The following ILF2 variants were observed in gnomAD, a reference collection of about 807,000 sequenced individuals.
The protein encoded by ILF2 is interleukin enhancer-binding factor 2.
A neutral mutation model predicts 55.3 loss-of-function variants in ILF2; 9 were observed. The ratio of observed to expected loss-of-function variants is 0.16; its 90% CI spans 0.10 to 0.28. The LOEUF is 0.28. Ranked by LOEUF, ILF2 falls within the 10% of genes least tolerant of loss-of-function variation. The pLI, the probability that ILF2 is intolerant of heterozygous loss-of-function variation, is 1.00. For synonymous variants in ILF2, 151 were observed against 161.8 expected, an observed-to-expected ratio of 0.93 and a Z score of 0.50; for missense variants, 266 against 474.9, an observed-to-expected ratio of 0.56 and a Z score of 4.09.
intron 5 of ILF2, among the ~76,000 whole-genome samples, 156 bp from the exon 6 acceptor site, chr1:153,667,813 C>A (rs1669349262): frequency 2.6e-5 from 4 of 152,210 alleles, no homozygotes; most frequent in Admixed American, 6.5e-5. Flanking sequence ...CCTGATACAT[C>A]ACAGCTAGCA....
intron 1 of ILF2, 82 bp from the exon 2 acceptor site, chr1:153,670,312 C>G: frequency 7.2e-7 from 1 of 1,383,614 alleles, no homozygotes; most frequent in South Asian, 1.2e-5. Flanking sequence ...TTTCATCCCT[C>G]GGAACCTCCC....
At chr1:153,665,122 G>A (rs1023230157) in intron 8 of ILF2, 98 bp downstream of exon 8, 6 of 748,910 alleles carry the variant, frequency 8.0e-6, no homozygotes, top group Non-Finnish European at 1.2e-5. Context: ...CCAGGAAGCT[G>A]CATGTGGAAT....
At chr1:153,668,329 C>T in intron 4 of ILF2, 124 bp downstream of exon 4, 1 of 1,219,848 alleles carries the variant, frequency 8.2e-7, no homozygotes, top group African/African-American at 1.5e-5. Flanking sequence ...ATAAGGAGAA[C>T]AATTAAACCC....
chr1:153,662,717 C>T lies in ILF2; in HGVS notation c.1000G>A (p.Gly334Ser). The T allele has an allele frequency of 6.2e-7, 1 of 1,614,134 alleles. No homozygotes were observed. Among genetic ancestry groups the T allele is most frequent in the Non-Finnish European group, 8.5e-7 (1 of 1,179,996 alleles). Residue 334 changes from glycine (G) to serine (S), a missense_variant, in exon 13 of 14, where the codon GGT becomes AGT. Coordinates refer to ENST00000361891, the MANE Select transcript of ILF2 (RefSeq NM_004515.4). ...AGTGGTCACTCACAGCTGGCATCAC[C>T]CTCCTGGCCAAGGATCTTCCTAAAG... ...GGFRKILGQE[G>S]DASYLASEIS...
At chr1:153,663,625 C>A (rs1264012937) in intron 10 of ILF2, among the ~76,000 whole-genome samples, 5 of 151,832 alleles carry the variant, frequency 3.3e-5, no homozygotes, top group Non-Finnish European at 7.4e-5. Context: ...CAAACTAAAA[C>A]CTTAAATGAT....
chr1:153,662,918 C>T, intron 12 of ILF2, 101 bp downstream of exon 12: 1 of 1,334,232 alleles, frequency 7.5e-7, no homozygotes, highest in Non-Finnish European at 1.1e-6. Context: ...TTCAGAATCC[C>T]CAAATTCCTG....
In ILF2 at chr1:153,668,091, T is replaced by C. The variant is rs1487850461; in HGVS notation, c.214-14A>G. 3 of 1,558,644 alleles carry C rather than the reference T, an allele frequency of 1.9e-6. No individual in the cohort carries two copies. Among genetic ancestry groups the C allele is most frequent in the East Asian group, 4.5e-5 (2 of 44,658 alleles). On this transcript the variant is annotated splice_polypyrimidine_tract_variant and intron_variant, in intron 4 of 13. Coordinates refer to ENST00000361891, the MANE Select transcript of ILF2 (RefSeq NM_004515.4). ...AAGGATAGATGCCTGAAAAACAGTA[T>C]GAAACAATACTTGAAAATGAAAAAT... is the stretch of plus-strand genomic sequence containing the variant.
At position 153,662,270 on chromosome 1, in the gene ILF2, G is replaced by A; in HGVS notation, c.*126C>T. ...AAACCCAGTGGAATGACACTTCTAT[G>A]GAGTTTACTTTTCTTCCTGCTATCT... On this transcript the variant is annotated 3_prime_UTR_variant, in exon 14 of 14. Transcript: ENST00000361891. 1 of 1,190,514 alleles carries A rather than the reference G, an allele frequency of 8.4e-7. No homozygotes were observed. The highest frequency in any genetic ancestry group is 1.2e-6 in the Non-Finnish European group (1 of 843,676). 73.7% of individuals were successfully genotyped at this position (1,190,514 alleles called of 1,614,324 possible).
chr1:153,667,348 C>T (rs1430208506), intron 6 of ILF2: 5 of 592,758 alleles, frequency 8.4e-6, no homozygotes, highest in African/African-American at 7.4e-5. Context: ...TGTGGTAGCA[C>T]ACATCTGTAG....
Position 153,663,126 on chromosome 1 carries a change from A to G in ILF2, c.814T>C (p.Leu272=), listed in dbSNP as rs1392234215. The G allele has an allele frequency of 6.2e-7, 1 of 1,614,158 alleles. No homozygotes were observed. The highest frequency in any genetic ancestry group is 8.5e-7 in the Non-Finnish European group (1 of 1,180,004). ...AACAGTCCTGCAGCCAGAATCTGCA[A>G]GCAGCGCCTAGAACACAGGGAGGTA... The part of the protein sequence containing the change: ...LALNVAYRRC[L]QILAAGLFLP... Residue 272 remains leucine (L), a synonymous_variant, in exon 12 of 14, where the codon TTG becomes CTG. Coordinates refer to ENST00000361891, the MANE Select transcript of ILF2 (RefSeq NM_004515.4).
chr1:153,663,208 G>T lies in ILF2; in HGVS notation c.806+7C>A, dbSNP rs940781821. On this transcript the variant is annotated splice_region_variant and intron_variant, in intron 11 of 13. Transcript: ENST00000361891. ...ACAACCAACCCTAAACCCAAAGCAT[G>T]CTGTACCTGTATGCAACGTTTAGGG... The T allele has an allele frequency of 6.2e-7, 1 of 1,613,864 alleles. No individual in the cohort carries two copies. The highest frequency in any genetic ancestry group is 1.3e-5 in the African/African-American group (1 of 74,924).
At position 153,670,937 on chromosome 1, in the gene ILF2, C is replaced by A. The variant is rs2101718861; in HGVS notation, c.-15G>T. On this transcript the variant is annotated 5_prime_UTR_variant, in exon 1 of 14. Coordinates refer to ENST00000361891, the MANE Select transcript of ILF2 (RefSeq NM_004515.4). ...ACTTACCTCATGGCGCCTTAAAACA[C>A]GAACAATGGAGGCCGCACCAACCGC... 2 of 1,614,202 alleles carry A rather than the reference C, an allele frequency of 1.2e-6. No homozygotes were observed. Among genetic ancestry groups the A allele is most frequent in the East Asian group, 4.5e-5 (2 of 44,892 alleles).
intron 3 of ILF2, among the ~76,000 whole-genome samples, chr1:153,669,168 G>C (rs1461368546): frequency 6.6e-6 from 1 of 151,792 alleles, no homozygotes; most frequent in East Asian, 1.9e-4. Flanking sequence ...TGCCTCCCAG[G>C]TTCAGTGCAG....
chr1:153,664,766 C>T (rs1250669740), intron 8 of ILF2, among the ~76,000 whole-genome samples: 1 of 152,172 alleles, frequency 6.6e-6, no homozygotes, highest in East Asian at 1.9e-4. Context: ...TCATGTTGGC[C>T]AGGATGGTCT....
At chr1:153,665,096 C>T in intron 8 of ILF2, 124 bp downstream of exon 8, 1 of 663,038 alleles carries the variant, frequency 1.5e-6, no homozygotes, top group Non-Finnish European at 2.7e-6. Flanking sequence ...CAGAATAAAC[C>T]TAAGTTCTTC....
Position 153,663,296 on chromosome 1 carries a change from G to C in ILF2, c.745-20C>G. ...ATGGCCCTGAAAAATAATAAATCCA[G>C]TAGGTGTGCCATCAAAATGGCACTT... On this transcript the variant is annotated intron_variant, in intron 10 of 13. Transcript: ENST00000361891. 1 of 1,611,954 alleles carries C rather than the reference G, an allele frequency of 6.2e-7. No individual in the cohort carries two copies. Among genetic ancestry groups the C allele is most frequent in the Non-Finnish European group, 8.5e-7 (1 of 1,178,154 alleles).
chr1:153,668,690 C>T, intron 3 of ILF2, 133 bp from the exon 4 acceptor site: 1 of 1,112,806 alleles, frequency 9.0e-7, no homozygotes, highest in South Asian at 1.7e-5. Context: ...TTAATTTGTT[C>T]AATTAGCTGG....
intron 4 of ILF2, 78 bp from the exon 5 acceptor site, chr1:153,668,155 T>C: frequency 1.8e-6 from 2 of 1,110,198 alleles, no homozygotes; most frequent in South Asian, 1.4e-5. Context: ...TTTCTCCTAA[T>C]CCCTTCCATA....
At chr1:153,662,980 A>G (rs374604075) in intron 12 of ILF2, 39 bp downstream of exon 12, 7 of 1,538,600 alleles carry the variant, frequency 4.5e-6, no homozygotes, top group Admixed American at 1.7e-5. Flanking sequence ...TATTCAAAAG[A>G]GTGGGGCAAA....
Sources: allele counts gnomAD v4.1 joint callset (sites outside exome capture counted in the v4.1 genomes callset), GRCh38; gene constraint gnomAD v4.1.1; transcripts MANE v1.5; gene names NCBI Gene and HGNC (gene_info 2026-07-23, HGNC 2026-07-21).